The following UBQLN1 variants were observed in gnomAD, a reference collection of about 807,000 sequenced individuals.
UBQLN1 encodes ubiquilin-1.
In UBQLN1, 13 loss-of-function variants were observed where a neutral mutation model predicts 65.4. That is an observed-to-expected ratio of 0.20 (90% CI 0.13 to 0.32). The LOEUF (loss-of-function observed/expected upper bound fraction) is 0.32. UBQLN1 is among the 10% of genes least tolerant of loss of function. The pLI, the probability that UBQLN1 is intolerant of heterozygous loss-of-function variation, is 1.00. For synonymous variants in UBQLN1, 267 were observed against 247.8 expected, an observed-to-expected ratio of 1.08 and a Z score of -0.73; for missense variants, 561 against 724.0, an observed-to-expected ratio of 0.77 and a Z score of 2.58.
In UBQLN1 at chr9:83,673,010, T is replaced by C. The variant is rs2131151266; in HGVS notation, c.1106-3683A>G. ...ACTTTGGGACGCTGAGGCGGGTGGA[T>C]CATTTTAGGTCAGGAGTTCAAGCAG... is the stretch of plus-strand genomic sequence containing the variant. On this transcript the variant is annotated intron_variant, in intron 6 of 10. Coordinates refer to ENST00000376395, the MANE Select transcript of UBQLN1 (RefSeq NM_013438.5). 1.3e-5 allele frequency among the ~76,000 whole-genome samples: 2 copies of C among 152,248 alleles called. 1 individual carries two copies. Among genetic ancestry groups the C allele is most frequent in the Middle Eastern group, 6.8e-3 (2 of 294 alleles).
rs760430898 is a variant in UBQLN1, at chr9:83,707,488, A to G, written c.180+12T>C. On this transcript the variant is annotated intron_variant, in intron 1 of 10. Transcript: ENST00000376395. ...CCACCCCCATCCCGGCCCGAGCCCC[A>G]GGCGGCCTCACCTGCTGGACGGAGC... The G allele has an allele frequency of 4.4e-6, 7 of 1,600,966 alleles. No individual in the cohort carries two copies. Among genetic ancestry groups the G allele is most frequent in the Non-Finnish European group, 6.0e-6 (7 of 1,174,892 alleles).
At chr9:83,684,610 G>A (rs1832006800) in intron 2 of UBQLN1, among the ~76,000 whole-genome samples, 2 of 152,034 alleles carry the variant, frequency 1.3e-5, no homozygotes, top group Admixed American at 6.6e-5. Flanking sequence ...TCAGGAGTTC[G>A]TGACCAGCCT....
At chr9:83,669,518 G>A (rs1831697763) in intron 6 of UBQLN1, among the ~76,000 whole-genome samples, 191 bp from the exon 7 acceptor site, 1 of 152,118 alleles carries the variant, frequency 6.6e-6, no homozygotes, top group Non-Finnish European at 1.5e-5. Flanking sequence ...CATATACCAG[G>A]AAAAGAGGAC....
intron 6 of UBQLN1, among the ~76,000 whole-genome samples, chr9:83,670,935 C>T (rs1037645074): frequency 2.0e-5 from 3 of 152,154 alleles, no homozygotes; most frequent in African/African-American, 7.2e-5. Context: ...ATTGTAGCAA[C>T]GCAGTCAGTG....
At chr9:83,689,915 A>C (rs1223139331) in intron 1 of UBQLN1, among the ~76,000 whole-genome samples, 1 of 152,222 alleles carries the variant, frequency 6.6e-6, no homozygotes, top group Non-Finnish European at 1.5e-5. Flanking sequence ...ATGGCAAACA[A>C]CACAGGTAAC....
intron 1 of UBQLN1, among the ~76,000 whole-genome samples, chr9:83,689,638 C>G (rs1381055983): frequency 1.3e-5 from 2 of 152,080 alleles, no homozygotes; most frequent in African/African-American, 4.8e-5. Context: ...AAAAAGATAA[C>G]AAGAAATCAA....
intron 6 of UBQLN1, 98 bp from the exon 7 acceptor site, chr9:83,669,425 G>A (rs1313296472): frequency 1.7e-6 from 2 of 1,144,284 alleles, no homozygotes; most frequent in South Asian, 1.7e-5. Flanking sequence ...ATTTCACCAA[G>A]TACAAATGAT....
In UBQLN1 at chr9:83,686,373, C is replaced by T. The variant is rs112821792; in HGVS notation, c.181-218G>A. Among the ~76,000 whole-genome samples, 1,371 of 152,172 alleles carry T rather than the reference C, an allele frequency of 9.0e-3. 22 individuals carry two copies. The highest frequency in any genetic ancestry group is 0.032 in the African/African-American group (1,308 of 41,494). ...CACCACTGCACTCCAGCCTGGGTGA[C>T]AGAGTGATATCCCGCCTCTAAAAAC... On this transcript the variant is annotated intron_variant, in intron 1 of 10. Coordinates refer to ENST00000376395, the MANE Select transcript of UBQLN1 (RefSeq NM_013438.5).
intron 1 of UBQLN1, among the ~76,000 whole-genome samples, chr9:83,706,961 G>A (rs1273139992): frequency 1.3e-5 from 2 of 152,024 alleles, no homozygotes; most frequent in South Asian, 2.1e-4. Flanking sequence ...TTTTTTTAAA[G>A]GTTGCAAGGT....
At chr9:83,692,670 T>C (rs1307431420) in intron 1 of UBQLN1, among the ~76,000 whole-genome samples, 3 of 152,094 alleles carry the variant, frequency 2.0e-5, no homozygotes, top group Non-Finnish European at 2.9e-5. Flanking sequence ...CTGACCAACA[T>C]GGAGAAACCC....
At chr9:83,663,295 C>G (rs981467924) in intron 10 of UBQLN1, among the ~76,000 whole-genome samples, 1 of 152,062 alleles carries the variant, frequency 6.6e-6, no homozygotes. Flanking sequence ...TTTAAACTGG[C>G]GATCATCTTT....
intron 1 of UBQLN1, among the ~76,000 whole-genome samples, chr9:83,697,396 C>G (rs1456225055): frequency 2.7e-5 from 4 of 150,666 alleles, no homozygotes; most frequent in Non-Finnish European, 4.4e-5. Flanking sequence ...ACTAAAAATA[C>G]AAAAAATTAG....
chr9:83,698,443 A>T lies in UBQLN1; in HGVS notation c.180+9057T>A, dbSNP rs190193224. Among the ~76,000 whole-genome samples the T allele has an allele frequency of 1.5e-4, 23 of 152,354 alleles. 1 individual carries two copies. Among genetic ancestry groups the T allele is most frequent in the Admixed American group, 1.4e-3 (21 of 15,298 alleles). Reference sequence around the variant, plus strand: ...AAGACTTAGTATTTCAAAATGCAAGATATTTTATAGTCTTTATATCAATTG... The same window carrying T: ...AAGACTTAGTATTTCAAAATGCAAGTTATTTTATAGTCTTTATATCAATTG... On this transcript the variant is annotated intron_variant, in intron 1 of 10. Coordinates refer to ENST00000376395, the MANE Select transcript of UBQLN1 (RefSeq NM_013438.5).
intron 7 of UBQLN1, chr9:83,667,699 C>A (rs953091858): frequency 1.0e-5 from 10 of 984,726 alleles, no homozygotes; most frequent in Non-Finnish European, 9.6e-6. Context: ...TCATCTTAAA[C>A]GTATCCTTTC....
chr9:83,676,146 T>G (rs1482205997), intron 6 of UBQLN1, among the ~76,000 whole-genome samples: 1 of 152,214 alleles, frequency 6.6e-6, no homozygotes, highest in Non-Finnish European at 1.5e-5. Context: ...TACATGTGTA[T>G]GTGTGCATAT....
rs180981514 is a variant in UBQLN1, at chr9:83,667,492, C to T, written c.1249-1059G>A. Reference sequence around the variant, plus strand: ...GTTAATTTCAATACAATAACAAAAGCAGATGTCAGACAACCTTTCAGGAAC... The same window carrying T: ...GTTAATTTCAATACAATAACAAAAGTAGATGTCAGACAACCTTTCAGGAAC... On this transcript the variant is annotated intron_variant, in intron 7 of 10. Transcript: ENST00000376395. 159 of 985,314 alleles carry T rather than the reference C, an allele frequency of 1.6e-4. 2 individuals are homozygous for T. In the East Asian group the frequency reaches 0.013, roughly 79 times the overall value. The allele number at this position is 985,314 out of a possible 1,614,324, so 61.0% of individuals were successfully genotyped here.
chr9:83,697,243 TG>T (rs1205916157), intron 1 of UBQLN1, among the ~76,000 whole-genome samples: 6 of 99,866 alleles, frequency 6.0e-5, no homozygotes, highest in African/African-American at 3.0e-4. Context: ...CAGTATCTTC[TG>T]GTTTTTTTTT....
In UBQLN1 at chr9:83,677,952, T is replaced by A; in HGVS notation, c.880A>T (p.Asn294Tyr). 1 of 1,611,196 alleles carries A rather than the reference T, an allele frequency of 6.2e-7. No individual in the cohort carries two copies. Among genetic ancestry groups the A allele is most frequent in the South Asian group, 1.1e-5 (1 of 90,966 alleles). Residue 294 changes from asparagine (N) to tyrosine (Y), a missense_variant, in exon 6 of 11, where the codon AAT becomes TAT. Physicochemically the swap from Asn to Tyr is moderately radical, Grantham distance 143 (BLOSUM62 -2). This residue lies in a region of UBQLN1 where 75 missense variants were observed against 138.9 expected (regional missense o/e 0.54). Coordinates refer to ENST00000376395, the MANE Select transcript of UBQLN1 (RefSeq NM_013438.5). ...LSAAQEQFGGNPFASLVSNTS... is the reference protein window; with the variant it reads ...LSAAQEQFGGYPFASLVSNTS... ...TTGCTCACCAAGGAAGCAAATGGAT[T>A]ACCACCAAACTGTAATAAAAGACAT...
At chr9:83,678,679 C>A in intron 4 of UBQLN1, 80 bp from the exon 5 acceptor site, 1 of 1,404,600 alleles carries the variant, frequency 7.1e-7, no homozygotes, top group South Asian at 1.4e-5. Flanking sequence ...TTATTAACTG[C>A]CATTAAACAA....
Sources: allele counts gnomAD v4.1 joint callset (sites outside exome capture counted in the v4.1 genomes callset), GRCh38; gene constraint gnomAD v4.1.1; regional missense constraint gnomAD v4.1.1; transcripts MANE v1.5; gene names NCBI Gene and HGNC (gene_info 2026-07-23, HGNC 2026-07-21).